MMGT1: variants seen among roughly 807,000 people sequenced by gnomAD.
MMGT1 encodes the protein ER membrane protein complex subunit 5.
MMGT1 carries 2 observed loss-of-function variants against 11.7 expected under a neutral mutation model. The observed-to-expected ratio is 0.17, with a 90% CI of 0.07 to 0.54. The LOEUF (loss-of-function observed/expected upper bound fraction) is 0.54. MMGT1 is among the 20% of genes least tolerant of loss of function. The pLI is 0.94. For synonymous variants in MMGT1, 49 were observed against 44.4 expected, an observed-to-expected ratio of 1.10 and a Z score of -0.41; for missense variants, 74 against 109.0, an observed-to-expected ratio of 0.68 and a Z score of 1.43.
chrX:135,968,219 A>G (rs1292369273), intron 2 of MMGT1, among the ~76,000 whole-genome samples: 2 of 111,607 alleles, frequency 1.8e-5, no homozygotes, highest in Non-Finnish European at 3.8e-5. Flanking sequence ...TTAAAAGACC[A>G]TGTACCCACC....
rs1396714334 is a variant in MMGT1, at chrX:135,967,260, C to T, written c.236+130G>A. On this transcript the variant is annotated intron_variant, in intron 3 of 3. Transcript: ENST00000305963. ...GCCTCAATGTTTTTACCTCATTATT[C>T]ATACAAACTGTGTAATCAAAATGCA... The T allele has an allele frequency of 1.5e-5, 7 of 457,707 alleles. No individual in the cohort carries two copies. The Admixed American group carries it at 3.1e-4, about 20-fold the overall frequency. 37.7% of individuals were successfully genotyped at this position (457,707 alleles called of 1,213,427 possible). A position where few individuals can be genotyped will look rare whatever the true frequency, so the allele number is the denominator to read the frequency against.
In MMGT1 at chrX:135,973,716, C is replaced by G; in HGVS notation, c.-41G>C. Reference sequence around the variant, plus strand: ...GCAGCCCAGCAAAAGAAGCGAAGGACGGCGGAGCTGTTTCTTCTTCCACCG... The same window carrying G: ...GCAGCCCAGCAAAAGAAGCGAAGGAGGGCGGAGCTGTTTCTTCTTCCACCG... On this transcript the variant is annotated 5_prime_UTR_variant, in exon 1 of 4. Transcript: ENST00000305963. 5 of 1,166,996 alleles carry G rather than the reference C, an allele frequency of 4.3e-6. No individual in the cohort carries two copies. The highest frequency in any genetic ancestry group is 4.6e-6 in the Non-Finnish European group (4 of 872,940).
At chrX:135,968,538 T>TGTGTGTGTG (rs1556612227) in intron 2 of MMGT1, among the ~76,000 whole-genome samples, 15 of 106,361 alleles carry the variant, frequency 1.4e-4, no homozygotes, top group East Asian at 5.9e-4. Context: ...TGTGTGTGTG[T>TGTGTGTGTG]TTTCTTTTTT....
At chrX:135,973,343 G>A (rs1273331928) in intron 1 of MMGT1, among the ~76,000 whole-genome samples, 2 of 111,715 alleles carry the variant, frequency 1.8e-5, no homozygotes, top group East Asian at 5.6e-4. Flanking sequence ...TGGATTCCTG[G>A]AGACTCCTAT....
intron 3 of MMGT1, 130 bp from the exon 4 acceptor site, chrX:135,965,313 C>T (rs2089179328): frequency 2.2e-6 from 1 of 449,808 alleles, no homozygotes; most frequent in Admixed American, 3.9e-5. Flanking sequence ...TACATGAAAT[C>T]AGACTGTAAA....
In MMGT1 at chrX:135,964,377, A is replaced by G. The variant is rs2089173439; in HGVS notation, c.*647T>C. ...GCCTGTTACATATATTTGTTCTGAC[A>G]AAGAATTTCTGACACAAAAATTGCT... On this transcript the variant is annotated 3_prime_UTR_variant, in exon 4 of 4. Transcript: ENST00000305963. 8.8e-6 allele frequency: 1 copy of G among 113,299 alleles called. No individual in the cohort carries two copies. The allele number at this position is 113,299 out of a possible 1,213,427, so 9.3% of individuals were successfully genotyped here. A position where few individuals can be genotyped will look rare whatever the true frequency, so the allele number is the denominator to read the frequency against.
rs1556611792 is a variant in MMGT1, at chrX:135,965,009, T to G, written c.*15A>C. 8.3e-7 allele frequency: 1 copy of G among 1,201,859 alleles called. No individual in the cohort carries two copies. Reference sequence around the variant, plus strand: ...AGCTCTGTGTCCTGTCCTATTATTATAATTTGTAAAAATCTTAACGACGCA... The same window carrying G: ...AGCTCTGTGTCCTGTCCTATTATTAGAATTTGTAAAAATCTTAACGACGCA... On this transcript the variant is annotated 3_prime_UTR_variant, in exon 4 of 4. Coordinates refer to ENST00000305963, the MANE Select transcript of MMGT1 (RefSeq NM_173470.3).
At chrX:135,967,008 G>C (rs1424572745) in intron 3 of MMGT1, among the ~76,000 whole-genome samples, 2 of 106,308 alleles carry the variant, frequency 1.9e-5, no homozygotes, top group Non-Finnish European at 3.9e-5. Flanking sequence ...GATAGAAAGA[G>C]GATGGTAGGA....
At chrX:135,965,347 T>C (rs1360791638) in intron 3 of MMGT1, among the ~76,000 whole-genome samples, 164 bp from the exon 4 acceptor site, 7 of 111,590 alleles carry the variant, frequency 6.3e-5, no homozygotes, top group African/African-American at 2.3e-4. Context: ...GTATCTCTTT[T>C]CCTATATAAA....
Position 135,967,428 on chromosome X carries a change from C to T in MMGT1, c.198G>A (p.Glu66=), listed in dbSNP as rs201063329. The T allele has an allele frequency of 6.3e-5, 75 of 1,198,123 alleles. No homozygotes were observed. In the Middle Eastern group the frequency reaches 6.9e-4, roughly 11 times the overall value. The change falls in exon 3 of 4, where the codon GAG becomes GAA. Residue 66 remains glutamate, a synonymous_variant. Transcript: ENST00000305963. ...TCYGIVHIAG[E]FKDMDATSEL... The stretch of plus-strand genomic sequence containing the variant: ...CTGAAGTGGCATCCATGTCTTTAAA[C>T]TCTCCTGCAATATGAACTATACCGT...
chrX:135,963,465 C>T lies in MMGT1; in HGVS notation c.*1559G>A, dbSNP rs1280760175. 2 of 111,879 alleles carry T rather than the reference C, an allele frequency of 1.8e-5. No homozygotes were observed. Among genetic ancestry groups the T allele is most frequent in the Non-Finnish European group, 3.8e-5 (2 of 53,175 alleles). The allele number at this position is 111,879 out of a possible 1,213,427, so 9.2% of individuals were successfully genotyped here. A position where few individuals can be genotyped will look rare whatever the true frequency, so the allele number is the denominator to read the frequency against. On this transcript the variant is annotated 3_prime_UTR_variant, in exon 4 of 4. Coordinates refer to ENST00000305963, the MANE Select transcript of MMGT1 (RefSeq NM_173470.3). ...CTATTTTATCATCATCACTTTAACC[C>T]GATTTCACATTTTTAATTCATTTCT...
intron 2 of MMGT1, among the ~76,000 whole-genome samples, chrX:135,969,180 CA>C (rs782161471): frequency 3.9e-5 from 4 of 102,086 alleles, no homozygotes; most frequent in East Asian, 6.2e-4. Flanking sequence ...GTATCTACCA[CA>C]AAAAAAAGGT....
At chrX:135,967,187 G>A (rs1217573271) in intron 3 of MMGT1, among the ~76,000 whole-genome samples, 1 of 112,137 alleles carries the variant, frequency 8.9e-6, no homozygotes, top group African/African-American at 3.2e-5. Context: ...TGATTCTACT[G>A]TGAATAATCT....
intron 2 of MMGT1, among the ~76,000 whole-genome samples, chrX:135,970,185 G>A (rs1432804373): frequency 9.1e-6 from 1 of 110,018 alleles, no homozygotes; most frequent in African/African-American, 3.3e-5. Context: ...GCCAACACAG[G>A]GAAACCCTGT....
rs1210013079 is a variant in MMGT1 at position 135,969,142 on chromosome X, GTA to G, written c.133-1651_133-1650del. Among the ~76,000 whole-genome samples, 404 of 45,014 alleles carry G rather than the reference GTA, an allele frequency of 9.0e-3. 1 individual carries two copies. Among genetic ancestry groups the G allele is most frequent in the African/African-American group, 0.026 (389 of 14,724 alleles). The allele number at this position is 45,014 out of a possible 115,157, so 39.1% of individuals were successfully genotyped here. A position where few individuals can be genotyped will look rare whatever the true frequency, so the allele number is the denominator to read the frequency against. On this transcript the variant is annotated intron_variant, in intron 2 of 3. Coordinates refer to ENST00000305963, the MANE Select transcript of MMGT1 (RefSeq NM_173470.3). ...TTCTTTAAAATAGACATAAATATGTGTATGTGTGTGTGTGTGTGTGTGTGTGT... is the reference window on the plus strand; with the variant it reads ...TTCTTTAAAATAGACATAAATATGTGTGTGTGTGTGTGTGTGTGTGTGTGT...
At position 135,963,317 on chromosome X, in the gene MMGT1, T is replaced by C. The variant is rs1459442979; in HGVS notation, c.*1707A>G. 5 of 111,691 alleles carry C rather than the reference T, an allele frequency of 4.5e-5. No homozygotes were observed. 9.2% of individuals were successfully genotyped at this position (111,691 alleles called of 1,213,427 possible). A position where few individuals can be genotyped will look rare whatever the true frequency, so the allele number is the denominator to read the frequency against. On this transcript the variant is annotated 3_prime_UTR_variant, in exon 4 of 4. Coordinates refer to ENST00000305963, the MANE Select transcript of MMGT1 (RefSeq NM_173470.3). ...TATGTGAATTATATCTCAATAATGTTACAAACATATTAAGAAACGAAGACA... is the reference window on the plus strand; with the variant it reads ...TATGTGAATTATATCTCAATAATGTCACAAACATATTAAGAAACGAAGACA...
At position 135,964,895 on chromosome X, in the gene MMGT1, GT is replaced by G. The variant is rs1223063426; in HGVS notation, c.*128del. The G allele has an allele frequency of 1.5e-5, 8 of 537,061 alleles. No individual in the cohort carries two copies. Among genetic ancestry groups the G allele is most frequent in the South Asian group, 4.7e-5 (1 of 21,289 alleles). 44.3% of individuals were successfully genotyped at this position (537,061 alleles called of 1,213,427 possible). On this transcript the variant is annotated 3_prime_UTR_variant, in exon 4 of 4. Transcript: ENST00000305963. ...TAACAGTATATAAACAAGGGCCATG[GT>G]TTTTTTTACTAAAGTAGGTCTGAAA...
At position 135,968,907 on chromosome X, in the gene MMGT1, G is replaced by T. The variant is rs782323149; in HGVS notation, c.133-1414C>A. Among the ~76,000 whole-genome samples the T allele has an allele frequency of 5.4e-5, 6 of 111,502 alleles. No homozygotes were observed. The South Asian group carries it at 2.3e-3, about 42-fold the overall frequency. On this transcript the variant is annotated intron_variant, in intron 2 of 3. Coordinates refer to ENST00000305963, the MANE Select transcript of MMGT1 (RefSeq NM_173470.3). ...TTCTGCTGTTGTTATTGGATATGTG[G>T]GTTGTTTCCTGTTACCTTCACAATC... is the stretch of plus-strand genomic sequence containing the variant.
chrX:135,968,625 A>G (rs1354525518), intron 2 of MMGT1, among the ~76,000 whole-genome samples: 3 of 107,590 alleles, frequency 2.8e-5, no homozygotes, highest in Non-Finnish European at 3.8e-5. Flanking sequence ...TCAGCCTCCC[A>G]GGTTCAAGTG....
Sources: gnomAD v4.1 joint callset for allele counts (sites outside exome capture counted in the v4.1 genomes callset) on GRCh38, gnomAD v4.1.1 for gene constraint, MANE v1.5 for transcripts, NCBI Gene and HGNC (gene_info 2026-07-23, HGNC 2026-07-21) for gene names.